Variants in TENM1 observed in about 807,000 individuals in gnomAD.
TENM1 encodes teneurin-1.
A neutral mutation model predicts 174.8 loss-of-function variants in TENM1; 35 were observed. The observed-to-expected ratio is 0.20, with a 90% CI of 0.15 to 0.27. The LOEUF is 0.27. TENM1 is among the 10% of genes least tolerant of loss of function. The pLI, the probability that TENM1 is intolerant of heterozygous loss-of-function variation, is 1.00. For synonymous variants in TENM1, 781 were observed against 798.7 expected, an observed-to-expected ratio of 0.98 and a Z score of 0.37; for missense variants, 1,633 against 2,130.1, an observed-to-expected ratio of 0.77 and a Z score of 4.59.
intron 3 of TENM1, among the ~76,000 whole-genome samples, chrX:124,878,679 T>C (rs1173782078): frequency 9.0e-6 from 1 of 111,363 alleles, no homozygotes; most frequent in Non-Finnish European, 1.9e-5. Context: ...TGAAGAACCA[T>C]ATGTCAAATA....
chrX:124,628,692 G>A (rs2050692760), intron 11 of TENM1, among the ~76,000 whole-genome samples: 1 of 111,329 alleles, frequency 9.0e-6, no homozygotes, highest in African/African-American at 3.3e-5. Context: ...TTTCCCTCTT[G>A]TGTTGGCTAA....
At chrX:125,119,426 A>G in the TENM1 span, among the ~76,000 whole-genome samples, 1 of 103,575 alleles carries the variant, frequency 9.7e-6, no homozygotes, top group African/African-American at 3.8e-5. Flanking sequence ...GGACCTCACA[A>G]AAAACAATTC....
chrX:124,944,603 G>T lies in TENM1; in HGVS notation c.217+18934C>A, dbSNP rs774352153. ...CCAGACATTATTTTAGTATTTTGTT[G>T]GTTTGCTTTACTTAAATAAATATTT... On this transcript the variant is annotated intron_variant, in intron 1 of 31. Coordinates refer to ENST00000422452, the Ensembl canonical transcript of TENM1. Among the ~76,000 whole-genome samples, 144 of 109,710 alleles carry T rather than the reference G, an allele frequency of 1.3e-3. 2 individuals carry two copies. Among genetic ancestry groups the T allele is most frequent in the Admixed American group, 3.9e-3 (39 of 10,114 alleles).
the TENM1 span, among the ~76,000 whole-genome samples, chrX:125,068,073 G>A: frequency 8.9e-6 from 1 of 111,877 alleles, no homozygotes; most frequent in Non-Finnish European, 1.9e-5. Flanking sequence ...ATAAGCCACT[G>A]ACTTGGAAAT....
At chrX:125,082,803 G>A in the TENM1 span, among the ~76,000 whole-genome samples, 3 of 110,755 alleles carry the variant, frequency 2.7e-5, no homozygotes, top group Admixed American at 2.9e-4. Context: ...TAAATTTTGT[G>A]TGTACATAGT....
intron 3 of TENM1, among the ~76,000 whole-genome samples, chrX:124,872,478 A>C (rs2057128414): frequency 8.9e-6 from 1 of 112,122 alleles, no homozygotes; most frequent in South Asian, 3.7e-4. Context: ...ATAAATGAAA[A>C]TTATTTAAGC....
At chrX:124,806,659 T>G (rs990741404) in intron 3 of TENM1, among the ~76,000 whole-genome samples, 11 of 112,368 alleles carry the variant, frequency 9.8e-5, no homozygotes, top group Non-Finnish European at 7.5e-5. Context: ...CACTTTTGCA[T>G]TGCTATAAAG....
chrX:124,867,373 A>G (rs2057027131), intron 3 of TENM1, among the ~76,000 whole-genome samples: 1 of 112,287 alleles, frequency 8.9e-6, no homozygotes, highest in African/African-American at 3.2e-5. Flanking sequence ...TACAAACAGA[A>G]TGAAGAATAA....
In TENM1 at chrX:124,888,196, C is replaced by T. The variant is rs139369419; in HGVS notation, c.535+6100G>A. On this transcript the variant is annotated intron_variant, in intron 3 of 31. Coordinates refer to ENST00000422452, the Ensembl canonical transcript of TENM1. ...TGGTATGTTTATTGGTAGCACATACCGCACTACTTAGGTTCTGTGGTATGC... is the reference window on the plus strand; with the variant it reads ...TGGTATGTTTATTGGTAGCACATACTGCACTACTTAGGTTCTGTGGTATGC... Among the ~76,000 whole-genome samples, 1,042 of 111,331 alleles carry T rather than the reference C, an allele frequency of 9.4e-3. 17 individuals are homozygous for T. The highest frequency in any genetic ancestry group is 0.033 in the African/African-American group (997 of 30,599).
chrX:124,456,714 G>A (rs2061111412), intron 22 of TENM1, among the ~76,000 whole-genome samples: 1 of 111,717 alleles, frequency 9.0e-6, no homozygotes, highest in African/African-American at 3.2e-5. Context: ...TTTATTCTTT[G>A]GAGATGGGCA....
chrX:124,661,083 T>C (rs1036847976), intron 6 of TENM1, among the ~76,000 whole-genome samples: 3 of 111,763 alleles, frequency 2.7e-5, no homozygotes, highest in African/African-American at 9.8e-5. Context: ...TGCTGTATAT[T>C]ATATGATTCT....
chrX:124,703,667 C>T (rs773121094), intron 5 of TENM1, among the ~76,000 whole-genome samples: 2 of 111,782 alleles, frequency 1.8e-5, no homozygotes, highest in East Asian at 5.6e-4. Context: ...ATTCCTTGTT[C>T]TCAATGATAT....
At chrX:124,423,046 G>A (rs1305497787) in intron 23 of TENM1, among the ~76,000 whole-genome samples, 1 of 112,002 alleles carries the variant, frequency 8.9e-6, no homozygotes, top group Non-Finnish European at 1.9e-5. Flanking sequence ...AGGTGATTCT[G>A]GGGATCATTG....
intron 1 of TENM1, among the ~76,000 whole-genome samples, chrX:124,935,370 C>T (rs750366625): frequency 9.0e-6 from 1 of 111,213 alleles, no homozygotes; most frequent in South Asian, 3.8e-4. Flanking sequence ...CCTTTTGCTC[C>T]TCTGTGCCTG....
chrX:124,879,252 G>A lies in TENM1; in HGVS notation c.535+15044C>T, dbSNP rs981226939. On this transcript the variant is annotated intron_variant, in intron 3 of 31. Coordinates refer to ENST00000422452, the Ensembl canonical transcript of TENM1. ...TCTATCTAACAGTATCTTTGTAACC[G>A]TTAATAAACCTTTCTTGATCTTTCC... Among the ~76,000 whole-genome samples, 28 of 111,663 alleles carry A rather than the reference G, an allele frequency of 2.5e-4. 3 individuals are homozygous for A. The highest frequency in any genetic ancestry group is 1.8e-3 in the Admixed American group (19 of 10,523).
chrX:125,165,079 G>T, the TENM1 span, among the ~76,000 whole-genome samples: 1 of 111,988 alleles, frequency 8.9e-6, no homozygotes, highest in Non-Finnish European at 1.9e-5. Context: ...TTAGTTTACA[G>T]TGAGAAAGTG....
chrX:124,632,026 C>T lies in TENM1; in HGVS notation c.2077+9765G>A, dbSNP rs890707099. Among the ~76,000 whole-genome samples, 17 of 105,335 alleles carry T rather than the reference C, an allele frequency of 1.6e-4. No homozygotes were observed. The East Asian group carries it at 2.8e-3, about 17-fold the overall frequency. 91.5% of individuals were successfully genotyped at this position (105,335 alleles called of 115,157 possible). A position where few individuals can be genotyped will look rare whatever the true frequency, so the allele number is the denominator to read the frequency against. On this transcript the variant is annotated intron_variant, in intron 11 of 31. Transcript: ENST00000422452. ...CTCCCGGGTTCAAGCAATTCTCCTG[C>T]CTCAGCTTCCCGAGTAGCTGGGATT...
intron 16 of TENM1, among the ~76,000 whole-genome samples, chrX:124,525,025 C>T (rs894159006): frequency 4.5e-5 from 5 of 111,712 alleles, no homozygotes; most frequent in African/African-American, 9.8e-5. Flanking sequence ...ACTTTTTCAA[C>T]GATAAAAAGC....
intron 3 of TENM1, among the ~76,000 whole-genome samples, chrX:124,767,194 T>C (rs896533931): frequency 9.0e-6 from 1 of 111,681 alleles, no homozygotes; most frequent in African/African-American, 3.2e-5. Context: ...TCAGTGGAGC[T>C]AGGTCTTAAG....
Sources: allele counts gnomAD v4.1 joint callset (sites outside exome capture counted in the v4.1 genomes callset), GRCh38; gene constraint gnomAD v4.1.1; transcripts MANE v1.5; gene names NCBI Gene and HGNC (gene_info 2026-07-23, HGNC 2026-07-21).